ATG16L2: variants seen among roughly 807,000 people sequenced by gnomAD.
The protein encoded by ATG16L2 is protein Atg16l2.
Under a neutral mutation model 84.7 loss-of-function variants are expected in ATG16L2, and 77 were observed. That is an observed-to-expected ratio of 0.91 (90% CI 0.76 to 1.10). ATG16L2 has a LOEUF of 1.10. ATG16L2 is among the 50% of genes least tolerant of loss of function. ATG16L2 has a pLI of 0.00. For missense variants in ATG16L2, 782 were observed against 817.6 expected, an observed-to-expected ratio of 0.96 and a Z score of 0.53; for synonymous variants, 361 against 342.8, an observed-to-expected ratio of 1.05 and a Z score of -0.59.
At position 72,829,408 on chromosome 11, in the gene ATG16L2, C is replaced by A; in HGVS notation, c.*18C>A. 1 of 1,605,522 alleles carries A rather than the reference C, an allele frequency of 6.2e-7. No individual in the cohort carries two copies. On this transcript the variant is annotated 3_prime_UTR_variant, in exon 18 of 18. Coordinates refer to ENST00000321297, the MANE Select transcript of ATG16L2 (RefSeq NM_033388.2). ...GGCAGTAGGGCCACGACCTGCCTGC[C>A]TGGGCTGGAGCTCTTGCCCGAAGCC...
At chr11:72,835,438 A>G (rs1860706035) in intron 5 of ATG16L2, among the ~76,000 whole-genome samples, 2 of 151,902 alleles carry the variant, frequency 1.3e-5, no homozygotes, top group African/African-American at 4.8e-5. Context: ...GGTGGTGAGG[A>G]GAGGTGGTGG....
chr11:72,819,846 C>T (rs545936230), intron 3 of ATG16L2, among the ~76,000 whole-genome samples: 7 of 152,078 alleles, frequency 4.6e-5, no homozygotes, highest in African/African-American at 1.2e-4. Context: ...CCCGGGTTCA[C>T]GCCATTCTCC....
intron 5 of ATG16L2, among the ~76,000 whole-genome samples, chr11:72,839,121 A>G (rs1860824895): frequency 2.0e-5 from 3 of 152,352 alleles, no homozygotes; most frequent in Non-Finnish European, 4.4e-5. Flanking sequence ...CACAAGTCCT[A>G]TGACTAAGAT....
chr11:72,820,277 A>G (rs1169780348), intron 3 of ATG16L2: 1 of 152,022 alleles, frequency 6.6e-6, no homozygotes, highest in Non-Finnish European at 1.5e-5. Flanking sequence ...GTCCTTTGTC[A>G]TTTTATCACG....
At position 72,829,449 on chromosome 11, in the gene ATG16L2, C is replaced by T. The variant is rs956485457; in HGVS notation, c.*59C>T. ...GCCCGAAGCCTGAAGCTTCCTTCGG[C>T]GCCATGCAGGGGTTGGGGTTGGGAC... On this transcript the variant is annotated 3_prime_UTR_variant, in exon 18 of 18. Transcript: ENST00000321297. The T allele has an allele frequency of 2.3e-5, 36 of 1,576,688 alleles. No homozygotes were observed. In the East Asian group the frequency reaches 4.3e-4, roughly 19 times the overall value.
intron 5 of ATG16L2, chr11:72,841,011 T>A (rs111883118): frequency 0.011 from 15,508 of 1,361,974 alleles, 113 homozygotes; most frequent in Non-Finnish European, 0.014. Flanking sequence ...TGAGCAATAA[T>A]GCTGATGCAA....
chr11:72,826,300 G>A (rs540762693), intron 11 of ATG16L2, 57 bp downstream of exon 11: 2 of 1,569,422 alleles, frequency 1.3e-6, no homozygotes, highest in African/African-American at 2.7e-5. Context: ...TCCACACTGG[G>A]CAGGTGGGGG....
chr11:72,829,811 A>T (rs1860566029), downstream of ATG16L2, among the ~76,000 whole-genome samples: 1 of 152,158 alleles, frequency 6.6e-6, no homozygotes, highest in Non-Finnish European at 1.5e-5. Context: ...CAGCAGGAAG[A>T]AAGGCCCTGA....
chr11:72,834,376 G>A (rs1460274112), downstream of ATG16L2, among the ~76,000 whole-genome samples: 1 of 152,154 alleles, frequency 6.6e-6, no homozygotes, highest in East Asian at 1.9e-4. Flanking sequence ...GCAATCTAGA[G>A]GATAAAGGTT....
intron 5 of ATG16L2, chr11:72,838,515 C>G (rs905985646): frequency 1.8e-5 from 9 of 492,874 alleles, no homozygotes; most frequent in Non-Finnish European, 3.0e-5. Context: ...AAACAGACCA[C>G]TGTTAGGCAT....
At position 72,821,767 on chromosome 11, in the gene ATG16L2, G is replaced by T; in HGVS notation, c.392+26G>T. 2.0e-6 allele frequency: 3 copies of T among 1,529,712 alleles called. No individual in the cohort carries two copies. The South Asian group carries it at 3.6e-5, about 18-fold the overall frequency. 94.8% of individuals were successfully genotyped at this position (1,529,712 alleles called of 1,614,324 possible). The stretch of plus-strand genomic sequence containing the variant: ...GTGAGGCGCGGGCGGGGGCGGGAGG[G>T]ACCGCGCCCACCTCAGGGAGGCCCG... On this transcript the variant is annotated intron_variant, in intron 4 of 17. Coordinates refer to ENST00000321297, the MANE Select transcript of ATG16L2 (RefSeq NM_033388.2).
chr11:72,822,526 G>A lies in ATG16L2; in HGVS notation c.693G>A (p.Arg231=), dbSNP rs2135098311. ...AGGAGCTGAAGAAGGCTGCCAAGCG[G>A]ACCGTGAGCATCAGCGAGTAAGAGT... ...VSQELKKAAK[R]TVSISEGPDT... The change falls in exon 6 of 18, where the codon CGG becomes CGA. Residue 231 remains arginine, a synonymous_variant. Transcript: ENST00000321297. The surrounding 1 kb of genome is among the most constrained non-coding windows in gnomAD (Gnocchi z 4.2). 1 of 1,612,816 alleles carries A rather than the reference G, an allele frequency of 6.2e-7. No individual in the cohort carries two copies. The highest frequency in any genetic ancestry group is 8.5e-7 in the Non-Finnish European group (1 of 1,179,416).
intron 10 of ATG16L2, 132 bp from the exon 11 acceptor site, chr11:72,826,041 G>A (rs2135115170): frequency 1.4e-6 from 1 of 723,178 alleles, no homozygotes. Flanking sequence ...AACAGACCCA[G>A]CGATTCTGTC....
chr11:72,825,927 C>G (rs571121697), intron 10 of ATG16L2, among the ~76,000 whole-genome samples: 11 of 152,222 alleles, frequency 7.2e-5, no homozygotes, highest in African/African-American at 2.6e-4. Context: ...CTACATAGTC[C>G]CTTCTCCCTG....
chr11:72,830,347 C>T (rs1228704946), downstream of ATG16L2, among the ~76,000 whole-genome samples: 4 of 152,164 alleles, frequency 2.6e-5, no homozygotes, highest in South Asian at 2.1e-4. Context: ...GCAAGTGACC[C>T]GTTCCTCCTG....
At chr11:72,840,982 C>T (rs1448651132) in intron 5 of ATG16L2, 1 of 1,569,934 alleles carries the variant, frequency 6.4e-7, no homozygotes, top group Non-Finnish European at 8.8e-7. Flanking sequence ...ACCAAAGAAG[C>T]TCATTTTACT....
intron 5 of ATG16L2, chr11:72,837,281 T>C (rs1860758151): frequency 1.3e-5 from 2 of 152,370 alleles, no homozygotes; most frequent in Admixed American, 1.3e-4. Flanking sequence ...CATTAATGGG[T>C]ATTGTCACTG....
rs1200955927 is a variant in ATG16L2 at position 72,817,724 on chromosome 11, G to T, written c.219-32G>T. 3 of 1,608,720 alleles carry T rather than the reference G, an allele frequency of 1.9e-6. No homozygotes were observed. The African/African-American group carries it at 4.0e-5, about 21-fold the overall frequency. On this transcript the variant is annotated intron_variant, in intron 2 of 17. Transcript: ENST00000321297. ...CCTTTGGGCACTTGGGTGAACCGGG[G>T]GACATTGAGCACCACTCTGATTGGT...
chr11:72,822,736 C>A lies in ATG16L2; in HGVS notation c.711-112C>A. The A allele has an allele frequency of 9.7e-7, 1 of 1,032,348 alleles. No individual in the cohort carries two copies. The allele number at this position is 1,032,348 out of a possible 1,614,324, so 63.9% of individuals were successfully genotyped here. On this transcript the variant is annotated intron_variant, in intron 6 of 17. Transcript: ENST00000321297. This position sits in a 1 kb window ranked among gnomAD's most constrained non-coding sequence, Gnocchi z 4.2. ...CATGCGTGACCGCTGCACGTGTACACCCACACAGAACCCTCATCACTGGGA... is the reference window on the plus strand; with the variant it reads ...CATGCGTGACCGCTGCACGTGTACAACCACACAGAACCCTCATCACTGGGA...
Sources: allele counts gnomAD v4.1 joint callset (sites outside exome capture counted in the v4.1 genomes callset), GRCh38; gene constraint gnomAD v4.1.1; non-coding constraint Gnocchi (gnomAD v3.1); transcripts MANE v1.5; gene names NCBI Gene and HGNC (gene_info 2026-07-23, HGNC 2026-07-21).